EGFR: variants seen among roughly 807,000 people sequenced by gnomAD.
EGFR encodes the protein epidermal growth factor receptor.
A neutral mutation model predicts 143.0 loss-of-function variants in EGFR; 58 were observed. The observed-to-expected ratio is 0.41, with a 90% CI of 0.33 to 0.50. EGFR has a LOEUF of 0.50. EGFR is among the 20% of genes least tolerant of loss of function. EGFR has a pLI of 0.39. For synonymous variants in EGFR, 613 were observed against 594.4 expected (o/e 1.03, Z -0.45); for missense variants, 1,307 against 1,579.0 (o/e 0.83, Z 2.92).
intron 11 of EGFR, among the ~76,000 whole-genome samples, chr7:55,159,383 C>A (rs1469502440): frequency 6.6e-6 from 1 of 152,126 alleles, no homozygotes; most frequent in African/African-American, 2.4e-5. Flanking sequence ...AGGACATCCC[C>A]CCTTCGGTCT....
intron 1 of EGFR, among the ~76,000 whole-genome samples, chr7:55,113,428 G>A (rs1279759428): frequency 6.6e-6 from 1 of 152,044 alleles, no homozygotes; most frequent in Non-Finnish European, 1.5e-5. Context: ...ATATACAGTT[G>A]AAAACACCTG....
chr7:55,033,752 C>T (rs190278997), intron 1 of EGFR, among the ~76,000 whole-genome samples: 48 of 152,320 alleles, frequency 3.2e-4, no homozygotes, highest in African/African-American at 1.1e-3. Context: ...TCTTTGGTGA[C>T]CATCCCTTGC....
chr7:55,143,037 C>T (rs1475142408), intron 2 of EGFR, among the ~76,000 whole-genome samples: 13 of 152,172 alleles, frequency 8.5e-5, no homozygotes. Context: ...TGTTGAACCC[C>T]GTGAGGCATG....
At chr7:55,192,526 C>T (rs1787444673) in intron 21 of EGFR, among the ~76,000 whole-genome samples, 1 of 152,176 alleles carries the variant, frequency 6.6e-6, no homozygotes, top group African/African-American at 2.4e-5. Context: ...ACCAGGGCTC[C>T]CAGCTCACCA....
intron 1 of EGFR, among the ~76,000 whole-genome samples, chr7:55,066,499 C>G (rs1789513309): frequency 6.6e-6 from 1 of 152,192 alleles, no homozygotes. Flanking sequence ...AAATATAAAA[C>G]CAAAATTTCT....
At chr7:55,121,601 G>A (rs1364036259) in intron 1 of EGFR, among the ~76,000 whole-genome samples, 1 of 152,094 alleles carries the variant, frequency 6.6e-6, no homozygotes, top group Admixed American at 6.5e-5. Flanking sequence ...CTATAGTTTT[G>A]TTCTCTCCAT....
At chr7:55,057,824 G>A (rs919209589) in intron 1 of EGFR, among the ~76,000 whole-genome samples, 2 of 152,170 alleles carry the variant, frequency 1.3e-5, no homozygotes, top group Non-Finnish European at 2.9e-5. Flanking sequence ...AGGCCTCTCA[G>A]GCCTGAAGAT....
chr7:55,195,723 C>A (rs1422417513), intron 22 of EGFR, among the ~76,000 whole-genome samples: 1 of 152,108 alleles, frequency 6.6e-6, no homozygotes, highest in Non-Finnish European at 1.5e-5. Context: ...TCTAAGTGTC[C>A]ATGTGTTCTC....
intron 1 of EGFR, among the ~76,000 whole-genome samples, chr7:55,063,184 G>A (rs17335884): frequency 1.3e-5 from 2 of 152,138 alleles, no homozygotes; most frequent in Non-Finnish European, 2.9e-5. Context: ...AGAAATATGT[G>A]CCCGGAAGCA....
rs17336451 is a variant in EGFR, at chr7:55,146,842, A to T, written c.559+102A>T. The stretch of plus-strand genomic sequence containing the variant: ...AAGCCATGTTTAGTAAGTCACATTA[A>T]TCAGAAACAAAAAGTAGTAAGCAAA... On this transcript the variant is annotated intron_variant, in intron 4 of 27. Coordinates refer to ENST00000275493, the MANE Select transcript of EGFR (RefSeq NM_005228.5). 44,314 of 1,515,116 alleles carry T rather than the reference A, an allele frequency of 0.029. 826 individuals carry two copies. The highest frequency in any genetic ancestry group is 0.033 in the Non-Finnish European group (36,133 of 1,106,008). The allele number at this position is 1,515,116 out of a possible 1,614,324, so 93.9% of individuals were successfully genotyped here.
At chr7:55,173,892 C>T (rs1427309964) in intron 17 of EGFR, 29 bp from the exon 18 acceptor site, 8 of 1,614,060 alleles carry the variant, frequency 5.0e-6, no homozygotes, top group Non-Finnish European at 6.8e-6. Context: ...CTGAGGTGAC[C>T]CTTGTCTCTG....
intron 27 of EGFR, among the ~76,000 whole-genome samples, chr7:55,204,045 T>G (rs1044786673): frequency 2.6e-5 from 4 of 151,578 alleles, no homozygotes; most frequent in African/African-American, 9.7e-5. Flanking sequence ...AATATATAGT[T>G]TATTGGCTAT....
At chr7:55,140,860 G>A (rs1443631718) in intron 1 of EGFR, among the ~76,000 whole-genome samples, 2 of 152,232 alleles carry the variant, frequency 1.3e-5, no homozygotes, top group Non-Finnish European at 2.9e-5. Context: ...TAAAGAGGAT[G>A]TGAAGATTGC....
chr7:55,161,510 C>G lies in EGFR; in HGVS notation c.1510C>G (p.Gln504Glu), dbSNP rs1334180707. 6.2e-7 allele frequency: 1 copy of G among 1,614,096 alleles called. No homozygotes were observed. The highest frequency in any genetic ancestry group is 1.1e-5 in the South Asian group (1 of 91,072). ...CTCTGTCTCCGCAGAGGCCACAGGC[C>G]AGGTCTGCCATGCCTTGTGCTCCCC... ...RGENSCKATG[Q>E]VCHALCSPEG... The change falls in exon 13 of 28, where the codon CAG becomes GAG. Residue 504 changes from glutamine to glutamate, a missense_variant. This residue lies in a region of EGFR where 250 missense variants were observed against 295.1 expected (regional missense o/e 0.85). Coordinates refer to ENST00000275493, the MANE Select transcript of EGFR (RefSeq NM_005228.5).
chr7:55,053,891 A>G (rs911654878), intron 1 of EGFR, among the ~76,000 whole-genome samples: 1 of 152,194 alleles, frequency 6.6e-6, no homozygotes, highest in African/African-American at 2.4e-5. Flanking sequence ...TTCGCGATGA[A>G]CCAGTTTTGC....
At chr7:55,040,815 A>T (rs2128869160) in intron 1 of EGFR, among the ~76,000 whole-genome samples, 1 of 152,348 alleles carries the variant, frequency 6.6e-6, no homozygotes, top group South Asian at 2.1e-4. Context: ...ACTAGGTAAG[A>T]GGTCATTGAA....
At chr7:55,170,953 T>A in intron 15 of EGFR, 1 of 1,438,220 alleles carries the variant, frequency 7.0e-7, no homozygotes, top group Non-Finnish European at 9.1e-7. Context: ...GAACAACGCC[T>A]GTCACAGAGT....
chr7:55,107,407 TC>T (rs1792202853), intron 1 of EGFR, among the ~76,000 whole-genome samples: 1 of 152,258 alleles, frequency 6.6e-6, no homozygotes, highest in African/African-American at 2.4e-5. Flanking sequence ...TTTCCATTTT[TC>T]TTTTTTTGTT....
intron 15 of EGFR, among the ~76,000 whole-genome samples, chr7:55,166,523 G>A (rs906375980): frequency 1.3e-5 from 2 of 152,254 alleles, no homozygotes; most frequent in Non-Finnish European, 2.9e-5. Flanking sequence ...ATGGTGCCTG[G>A]AAAATGGTGA....
Sources: gnomAD v4.1 joint callset for allele counts (sites outside exome capture counted in the v4.1 genomes callset) on GRCh38, gnomAD v4.1.1 for gene constraint, gnomAD v4.1.1 regional missense constraint, MANE v1.5 for transcripts, NCBI Gene and HGNC (gene_info 2026-07-23, HGNC 2026-07-21) for gene names.